WDR33: variants seen among roughly 807,000 people sequenced by gnomAD.
The protein encoded by WDR33 is pre-mRNA 3' end processing protein WDR33.
A neutral mutation model predicts 164.9 loss-of-function variants in WDR33; 47 were observed. The observed-to-expected ratio is 0.29, with a 90% CI of 0.23 to 0.36. The LOEUF (loss-of-function observed/expected upper bound fraction) is 0.36, where lower values mean the gene tolerates loss of function less well. WDR33 is among the 10% of genes least tolerant of loss of function. WDR33 has a pLI of 1.00. For missense variants in WDR33, 1,137 were observed against 1,754.1 expected (o/e 0.65, Z 6.28); for synonymous variants, 505 against 589.0 (o/e 0.86, Z 2.06).
At chr2:127,733,650 G>A (rs1049380032) in intron 7 of WDR33, among the ~76,000 whole-genome samples, 5 of 152,090 alleles carry the variant, frequency 3.3e-5, no homozygotes, top group African/African-American at 9.7e-5. Flanking sequence ...ATAGTCACAC[G>A]TGACTAGTGG....
intron 7 of WDR33, among the ~76,000 whole-genome samples, chr2:127,748,734 G>A (rs1687233049): frequency 6.6e-6 from 1 of 151,916 alleles, no homozygotes; most frequent in Non-Finnish European, 1.5e-5. Flanking sequence ...AAGCTATAAG[G>A]AAAACATGAA....
chr2:127,733,231 A>G (rs1465502171), intron 7 of WDR33, among the ~76,000 whole-genome samples: 1 of 152,230 alleles, frequency 6.6e-6, no homozygotes, highest in Non-Finnish European at 1.5e-5. Context: ...AATTCCGAAC[A>G]GCACCAAATC....
chr2:127,771,787 AGGAG>A (rs551989792), intron 1 of WDR33, among the ~76,000 whole-genome samples: 13 of 128,614 alleles, frequency 1.0e-4, no homozygotes, highest in Middle Eastern at 3.7e-3. Flanking sequence ...GAAAGAAGGA[AGGAG>A]GGAGGGAGGG....
At chr2:127,805,931 AAAG>A (rs1158149206) in intron 1 of WDR33, among the ~76,000 whole-genome samples, 4 of 150,648 alleles carry the variant, frequency 2.7e-5, no homozygotes, top group Admixed American at 2.0e-4. Context: ...ACTGCACATT[AAAG>A]AATAAACTTT....
In WDR33 at chr2:127,711,768, A is replaced by ATTTTTTTTTTT. The variant is rs1441301170; in HGVS notation, c.3308+1814_3308+1815insAAAAAAAAAAA. Among the ~76,000 whole-genome samples the ATTTTTTTTTTT allele has an allele frequency of 3.8e-4, 27 of 70,234 alleles. 1 individual carries two copies. Among genetic ancestry groups the ATTTTTTTTTTT allele is most frequent in the Middle Eastern group, 9.8e-3 (1 of 102 alleles). The allele number at this position is 70,234 out of a possible 152,430, so 46.1% of individuals were successfully genotyped here. The stretch of plus-strand genomic sequence containing the variant: ...CATATACAGATATATATATATATAT[A>ATTTTTTTTTTT]TATATATATATATTTTTTTTTTGAG... On this transcript the variant is annotated intron_variant, in intron 18 of 21. Coordinates refer to ENST00000322313, the MANE Select transcript of WDR33 (RefSeq NM_018383.5).
At chr2:127,805,796 C>T (rs1689416235) in intron 1 of WDR33, among the ~76,000 whole-genome samples, 1 of 152,206 alleles carries the variant, frequency 6.6e-6, no homozygotes, top group Non-Finnish European at 1.5e-5. Flanking sequence ...AGAAAGTAAG[C>T]TGTGCCCTGT....
chr2:127,764,247 A>G lies in WDR33; in HGVS notation c.626+581T>C. 4 of 1,171,924 alleles carry G rather than the reference A, an allele frequency of 3.4e-6. No individual in the cohort carries two copies. The highest frequency in any genetic ancestry group is 4.2e-6 in the Non-Finnish European group (4 of 948,772). 72.6% of individuals were successfully genotyped at this position (1,171,924 alleles called of 1,614,324 possible). A position where few individuals can be genotyped will look rare whatever the true frequency, so the allele number is the denominator to read the frequency against. On this transcript the variant is annotated intron_variant, in intron 6 of 21. Coordinates refer to ENST00000322313, the MANE Select transcript of WDR33 (RefSeq NM_018383.5). The surrounding 1 kb of genome is among the most constrained non-coding windows in gnomAD (Gnocchi z 6.2). ...CAGTGAATCAGAAGAAAAGTCCTAG[A>G]GTCTTCTTGACAATGATCTGCTTAC...
chr2:127,797,272 T>A (rs114591350), intron 1 of WDR33, among the ~76,000 whole-genome samples: 6,098 of 152,146 alleles, frequency 0.04, 170 homozygotes, highest in Admixed American at 0.055. Context: ...GGTAGGCAGA[T>A]CATGAGGTCA....
rs1158780905 is a variant in WDR33, at chr2:127,711,780, ATTTT to A, written c.3308+1799_3308+1802del. ...TATATATATATATATATATATATAT[ATTTT>A]TTTTTTGAGACAGAGTCTCGCCCTG... On this transcript the variant is annotated intron_variant, in intron 18 of 21. Coordinates refer to ENST00000322313, the MANE Select transcript of WDR33 (RefSeq NM_018383.5). Among the ~76,000 whole-genome samples, 54 of 88,266 alleles carry A rather than the reference ATTTT, an allele frequency of 6.1e-4. 1 individual carries two copies. The highest frequency in any genetic ancestry group is 3.1e-3 in the African/African-American group (48 of 15,410). The allele number at this position is 88,266 out of a possible 152,430, so 57.9% of individuals were successfully genotyped here. A position where few individuals can be genotyped will look rare whatever the true frequency, so the allele number is the denominator to read the frequency against.
rs746373747 is a variant in WDR33 at position 127,723,038 on chromosome 2, A to G, written c.1298T>C (p.Leu433Pro). 3 of 1,609,408 alleles carry G rather than the reference A, an allele frequency of 1.9e-6. No individual in the cohort carries two copies. Among genetic ancestry groups the G allele is most frequent in the Non-Finnish European group, 2.5e-6 (3 of 1,178,600 alleles). The change falls in exon 13 of 22, where the codon CTC becomes CCC. Residue 433 changes from leucine to proline, a missense_variant. Coordinates refer to ENST00000322313, the MANE Select transcript of WDR33 (RefSeq NM_018383.5). The surrounding 1 kb of genome is among the most constrained non-coding windows in gnomAD (Gnocchi z 5.9). ...AATTACTGCCAGGCTATTAGGTTCG[A>G]GGTCATCTATAAATAGTAATACACC... The part of the protein sequence containing the change: ...MSEDGVEYDD[L>P]EPNSLAVIPG...
rs1356948474 is a variant in WDR33 at position 127,713,117 on chromosome 2, T to C, written c.3308+466A>G. On this transcript the variant is annotated intron_variant, in intron 18 of 21. Coordinates refer to ENST00000322313, the MANE Select transcript of WDR33 (RefSeq NM_018383.5). This position sits in a 1 kb window ranked among gnomAD's most constrained non-coding sequence, Gnocchi z 6.2. ...CTTAAACTCCCCAAGAATGCTGAGA[T>C]GAGTGTTCAAGCCTGATCTAAGTTT... Among the ~76,000 whole-genome samples the C allele has an allele frequency of 2.0e-5, 3 of 152,210 alleles. No homozygotes were observed. The highest frequency in any genetic ancestry group is 7.2e-5 in the African/African-American group (3 of 41,456).
intron 17 of WDR33, among the ~76,000 whole-genome samples, chr2:127,715,456 C>T (rs1686276884): frequency 1.3e-5 from 2 of 152,112 alleles, no homozygotes; most frequent in African/African-American, 4.8e-5. Flanking sequence ...ATATAAAATG[C>T]TTGGAAATCT....
chr2:127,726,969 G>A lies in WDR33; in HGVS notation c.725-192C>T, dbSNP rs546422243. 6.6e-6 allele frequency among the ~76,000 whole-genome samples: 1 copy of A among 152,188 alleles called. No homozygotes were observed. The highest frequency in any genetic ancestry group is 1.9e-4 in the East Asian group (1 of 5,176). On this transcript the variant is annotated intron_variant, in intron 7 of 21. Transcript: ENST00000322313. This position sits in a 1 kb window ranked among gnomAD's most constrained non-coding sequence, Gnocchi z 4.8. ...ACAGTATCCTCTCCTCCTATGTCAA[G>A]ACACACAGGAGCCAGTCCTCTCCTG... is the stretch of plus-strand genomic sequence containing the variant.
Position 127,720,621 on chromosome 2 carries a change from G to C in WDR33, c.1672-268C>G, listed in dbSNP as rs181227161. Among the ~76,000 whole-genome samples, 140 of 152,030 alleles carry C rather than the reference G, an allele frequency of 9.2e-4. No homozygotes were observed. The highest frequency in any genetic ancestry group is 3.0e-3 in the African/African-American group (123 of 41,462). ...TTTCTGTCCCCCAAGCTGGAATGCA[G>C]TGGTACGATCGTGGTTCACTACAGC... On this transcript the variant is annotated intron_variant, in intron 15 of 21. Transcript: ENST00000322313. This position sits in a 1 kb window ranked among gnomAD's most constrained non-coding sequence, Gnocchi z 5.9.
Position 127,721,692 on chromosome 2 carries a change from G to T in WDR33, c.1671+144C>A. On this transcript the variant is annotated intron_variant, in intron 15 of 21. Transcript: ENST00000322313. The surrounding 1 kb of genome is among the most constrained non-coding windows in gnomAD (Gnocchi z 4.9). ...AGAAACAGGATTCTTTTGGAAACTA[G>T]TCTTCTAGCATAGCAACAGGAAATG... 1 of 800,500 alleles carries T rather than the reference G, an allele frequency of 1.2e-6. No homozygotes were observed. Among genetic ancestry groups the T allele is most frequent in the South Asian group, 3.1e-5 (1 of 32,222 alleles). 49.6% of individuals were successfully genotyped at this position (800,500 alleles called of 1,614,324 possible). A position where few individuals can be genotyped will look rare whatever the true frequency, so the allele number is the denominator to read the frequency against.
At chr2:127,797,912 G>A (rs1325046027) in intron 1 of WDR33, among the ~76,000 whole-genome samples, 1 of 151,898 alleles carries the variant, frequency 6.6e-6, no homozygotes, top group Non-Finnish European at 1.5e-5. Context: ...TACTCAGGGG[G>A]CTGAAGCAGG....
intron 7 of WDR33, among the ~76,000 whole-genome samples, chr2:127,757,855 G>A (rs1239267778): frequency 2.6e-5 from 4 of 151,886 alleles, no homozygotes; most frequent in East Asian, 1.9e-4. Flanking sequence ...ACTGCCAAAC[G>A]AAAAGATCTT....
At position 127,721,322 on chromosome 2, in the gene WDR33, G is replaced by A. The variant is rs1406905493; in HGVS notation, c.1671+514C>T. On this transcript the variant is annotated intron_variant, in intron 15 of 21. Coordinates refer to ENST00000322313, the MANE Select transcript of WDR33 (RefSeq NM_018383.5). This position sits in a 1 kb window ranked among gnomAD's most constrained non-coding sequence, Gnocchi z 4.9. ...GGGGTTTCACCATGTTGACCATGCT[G>A]GTCTCAAACTCCTGATCTCAGGTGA... 1.3e-5 allele frequency among the ~76,000 whole-genome samples: 2 copies of A among 151,902 alleles called. No homozygotes were observed. The highest frequency in any genetic ancestry group is 2.9e-5 in the Non-Finnish European group (2 of 67,966).
Position 127,706,491 on chromosome 2 carries a change from G to T in WDR33, c.3843C>A (p.Asp1281Glu). 6.2e-7 allele frequency: 1 copy of T among 1,613,252 alleles called. No individual in the cohort carries two copies. The highest frequency in any genetic ancestry group is 8.5e-7 in the Non-Finnish European group (1 of 1,179,654). ...TGTGGTATCCATCGTGGTGCTCTCCGTCTAAGGAGCTGGAACGCCCAGATT... is the reference window on the plus strand; with the variant it reads ...TGTGGTATCCATCGTGGTGCTCTCCTTCTAAGGAGCTGGAACGCCCAGATT... ...VPKSGRSSSL[D>E]GEHHDGYHRD... The change falls in exon 22 of 22, where the codon GAC (aspartate) becomes GAA (glutamate). Residue 1281 changes from aspartate (D) to glutamate (E), a missense_variant. Asp to Glu is a conservative substitution (Grantham distance 45). Transcript: ENST00000322313. This position sits in a 1 kb window ranked among gnomAD's most constrained non-coding sequence, Gnocchi z 5.1.
Sources: allele counts gnomAD v4.1 joint callset (sites outside exome capture counted in the v4.1 genomes callset), GRCh38; gene constraint gnomAD v4.1.1; non-coding constraint Gnocchi (gnomAD v3.1); transcripts MANE v1.5; gene names NCBI Gene and HGNC (gene_info 2026-07-23, HGNC 2026-07-21).